CASP14: variants seen among roughly 807,000 people sequenced by gnomAD.
CASP14 encodes caspase 14.
Under a neutral mutation model 28.4 loss-of-function variants are expected in CASP14, and 27 were observed. The ratio of observed to expected loss-of-function variants is 0.95; its 90% CI spans 0.70 to 1.31. The LOEUF (loss-of-function observed/expected upper bound fraction) is 1.31. CASP14 is among the 50% of genes most tolerant of loss of function. The probability of loss-of-function intolerance (pLI) is 0.00; values close to 1 mark genes in which losing one functional copy is unlikely to be tolerated. For synonymous variants in CASP14, 115 were observed against 118.6 expected (o/e 0.97, Z 0.20); for missense variants, 323 against 312.8 (o/e 1.03, Z -0.25).
intron 1 of CASP14, among the ~76,000 whole-genome samples, chr19:15,050,218 C>T (rs1046868897): frequency 2.0e-5 from 3 of 151,982 alleles, no homozygotes; most frequent in African/African-American, 4.8e-5. Context: ...AGGCAGGATT[C>T]GGTTCTGGCT....
At chr19:15,053,693 A>G (rs376686114) in intron 3 of CASP14, 40 bp from the exon 4 acceptor site, 9 of 1,613,212 alleles carry the variant, frequency 5.6e-6, no homozygotes, top group African/African-American at 4.0e-5. Flanking sequence ...AGTGTAGGCT[A>G]TGGGGACCCA....
In CASP14 at chr19:15,052,287, G is replaced by T; in HGVS notation, c.27+9G>T. On this transcript the variant is annotated intron_variant, in intron 2 of 6. Transcript: ENST00000427043. The stretch of plus-strand genomic sequence containing the variant: ...CGCGGTCTTTGGAAGAGGTAGGCTG[G>T]GTGCAGGTTGAGGGGAGGGTGATCA... The T allele has an allele frequency of 6.3e-7, 1 of 1,583,886 alleles. No homozygotes were observed. Among genetic ancestry groups the T allele is most frequent in the South Asian group, 1.2e-5 (1 of 85,208 alleles).
At position 15,055,437 on chromosome 19, in the gene CASP14, C is replaced by T. The variant is rs765384541; in HGVS notation, c.528C>T (p.Ile176=). The T allele has an allele frequency of 1.6e-5, 26 of 1,613,916 alleles. No homozygotes were observed. In the Middle Eastern group the frequency reaches 6.6e-4, roughly 41 times the overall value. The part of the protein sequence containing the change: ...LHVYSTVEGY[I]AYRHDQKGSC... ...CCTCTCTGGAATTCCCAGGATACAT[C>T]GCCTACCGACATGATCAGAAAGGCT... Residue 176 remains isoleucine (I), a synonymous_variant, in exon 6 of 7, where the codon ATC becomes ATT. Coordinates refer to ENST00000427043, the MANE Select transcript of CASP14 (RefSeq NM_012114.3).
chr19:15,053,929 A>C lies in CASP14; in HGVS notation c.374A>C (p.Lys125Thr). 6.2e-7 allele frequency: 1 copy of C among 1,614,022 alleles called. No homozygotes were observed. ...KNCQALRAKP[K>T]VYIIQACRGE... The stretch of plus-strand genomic sequence containing the variant: ...TGCCAGGCCCTGCGAGCTAAGCCCA[A>C]GGTGTACATCATACAGGCCTGTCGA... The change falls in exon 4 of 7, where the codon AAG (lysine) becomes ACG (threonine). Residue 125 changes from lysine (K) to threonine (T), a missense_variant. Transcript: ENST00000427043.
rs766699142 is a variant in CASP14, at chr19:15,053,580, G to A, written c.126G>A (p.Met42Ile). 1 of 1,614,026 alleles carries A rather than the reference G, an allele frequency of 6.2e-7. No individual in the cohort carries two copies. Among genetic ancestry groups the A allele is most frequent in the East Asian group, 2.2e-5 (1 of 44,888 alleles). The change falls in exon 3 of 7, where the codon ATG becomes ATA. Residue 42 changes from methionine (M) to isoleucine (I), a missense_variant. Coordinates refer to ENST00000427043, the MANE Select transcript of CASP14 (RefSeq NM_012114.3). The part of the protein sequence containing the change: ...SEEDLDALEH[M>I]FRQLRFESTM... ...AAGACCTGGATGCTCTGGAACACATGTTTCGGCAGCTGAGATTCGAAAGCA... is the reference window on the plus strand; with the variant it reads ...AAGACCTGGATGCTCTGGAACACATATTTCGGCAGCTGAGATTCGAAAGCA...
chr19:15,053,726 A>T lies in CASP14; in HGVS notation c.178-7A>T. 6.2e-7 allele frequency: 1 copy of T among 1,612,630 alleles called. No individual in the cohort carries two copies. The highest frequency in any genetic ancestry group is 8.5e-7 in the Non-Finnish European group (1 of 1,179,074). ...CCAGCTGAGTCTGGTTCTTCCTCTC[A>T]CTCCAGCAATTCCAGGAAGAGCTGG... is the stretch of plus-strand genomic sequence containing the variant. On this transcript the variant is annotated splice_polypyrimidine_tract_variant and splice_region_variant and intron_variant, in intron 3 of 6. Transcript: ENST00000427043.
At position 15,055,998 on chromosome 19, in the gene CASP14, T is replaced by C. The variant is rs745589008; in HGVS notation, c.638T>C (p.Met213Thr). 1.9e-6 allele frequency: 3 copies of C among 1,607,294 alleles called. No homozygotes were observed. The highest frequency in any genetic ancestry group is 1.7e-6 in the Non-Finnish European group (2 of 1,176,766). Residue 213 changes from methionine (M) to threonine (T), a missense_variant, in exon 7 of 7, where the codon ATG (methionine) becomes ACG (threonine). By Grantham distance (81) the Met-to-Thr change is moderately conservative. Transcript: ENST00000427043. ...CTGTTGCTGCAGGTGACCCGGCGGA[T>C]GGCAGAAGCAGAGCTGGTTCAAGAA... ...LELLTEVTRR[M>T]AEAELVQEGK...
chr19:15,050,803 C>G (rs1303524047), intron 1 of CASP14, among the ~76,000 whole-genome samples: 1 of 148,940 alleles, frequency 6.7e-6, no homozygotes, highest in East Asian at 2.0e-4. Flanking sequence ...GATGGGTAGA[C>G]AGACGGATGA....
In CASP14 at chr19:15,055,497, G is replaced by C; in HGVS notation, c.588G>C (p.Thr196=). 1 of 1,614,074 alleles carries C rather than the reference G, an allele frequency of 6.2e-7. No individual in the cohort carries two copies. The highest frequency in any genetic ancestry group is 8.5e-7 in the Non-Finnish European group (1 of 1,179,968). ...CFIQTLVDVF[T]KRKGHILELL... ...TCCAGACCCTGGTGGATGTGTTCACGAAGAGGAAAGGACATATCTTGGAAC... is the reference window on the plus strand; with the variant it reads ...TCCAGACCCTGGTGGATGTGTTCACCAAGAGGAAAGGACATATCTTGGAAC... The change falls in exon 6 of 7, where the codon ACG becomes ACC. Residue 196 remains threonine (T), a synonymous_variant. Coordinates refer to ENST00000427043, the MANE Select transcript of CASP14 (RefSeq NM_012114.3).
rs1243366820 is a variant in CASP14 at position 15,049,595 on chromosome 19, G to T, written c.-97G>T. 1 of 151,974 alleles carries T rather than the reference G, an allele frequency of 6.6e-6. No individual in the cohort carries two copies. Among genetic ancestry groups the T allele is most frequent in the African/African-American group, 2.4e-5 (1 of 41,322 alleles). The allele number at this position is 151,974 out of a possible 1,614,324, so 9.4% of individuals were successfully genotyped here. On this transcript the variant is annotated 5_prime_UTR_variant, in exon 1 of 7. Coordinates refer to ENST00000427043, the MANE Select transcript of CASP14 (RefSeq NM_012114.3). Reference sequence around the variant, plus strand: ...TGCCCAGCTCAGTATTGGCAACTAGGAGAGTAGTGAGATTGAACTTGGCCT... The same window carrying T: ...TGCCCAGCTCAGTATTGGCAACTAGTAGAGTAGTGAGATTGAACTTGGCCT...
chr19:15,055,287 A>C lies in CASP14; in HGVS notation c.520+13A>C. On this transcript the variant is annotated intron_variant, in intron 5 of 6. Coordinates refer to ENST00000427043, the MANE Select transcript of CASP14 (RefSeq NM_012114.3). Reference sequence around the variant, plus strand: ...TCCACGGTAGAGGGTATGAGCTCCCAGCTGGCCCAGGGATCCCTCTGCTCT... The same window carrying C: ...TCCACGGTAGAGGGTATGAGCTCCCCGCTGGCCCAGGGATCCCTCTGCTCT... 6.2e-7 allele frequency: 1 copy of C among 1,606,660 alleles called. No homozygotes were observed. Among genetic ancestry groups the C allele is most frequent in the East Asian group, 2.2e-5 (1 of 44,814 alleles).
rs2046120317 is a variant in CASP14, at chr19:15,056,913, A to C, written c.*824A>C. ...AGAGGTTAAATAATTTGTCAAATGC[A>C]ATACAGTAAGACAGAGGCAAGGACA... On this transcript the variant is annotated 3_prime_UTR_variant, in exon 7 of 7. Coordinates refer to ENST00000427043, the MANE Select transcript of CASP14 (RefSeq NM_012114.3). 1 of 152,214 alleles carries C rather than the reference A, an allele frequency of 6.6e-6. No homozygotes were observed. Among genetic ancestry groups the C allele is most frequent in the African/African-American group, 2.4e-5 (1 of 41,460 alleles). The allele number at this position is 152,214 out of a possible 1,614,324, so 9.4% of individuals were successfully genotyped here.
chr19:15,051,716 C>T (rs1403200049), intron 1 of CASP14, among the ~76,000 whole-genome samples: 7 of 151,998 alleles, frequency 4.6e-5, no homozygotes, highest in Non-Finnish European at 1.0e-4. Context: ...TATTGGAGAC[C>T]CAGTGAGATA....
At chr19:15,054,668 T>A (rs921729526) in intron 4 of CASP14, among the ~76,000 whole-genome samples, 13 of 145,930 alleles carry the variant, frequency 8.9e-5, no homozygotes, top group Admixed American at 3.5e-4. Context: ...TTAGACGGAG[T>A]CTTGCTCTGT....
intron 4 of CASP14, among the ~76,000 whole-genome samples, chr19:15,054,345 A>G (rs572777996): frequency 1.2e-4 from 18 of 152,342 alleles, no homozygotes; most frequent in African/African-American, 2.6e-4. Flanking sequence ...TGGGAGGCCC[A>G]GGCGGGAAGA....
In CASP14 at chr19:15,056,089, G is replaced by A. The variant is rs202004752; in HGVS notation, c.729G>A (p.Ter243=). Residue 243 remains the stop codon, a stop_retained_variant, in exon 7 of 7, where the codon TAG becomes TAA. Coordinates refer to ENST00000427043, the MANE Select transcript of CASP14 (RefSeq NM_012114.3). ...TCCGGAAACGGCTGTATCTGCAGTA[G>A]AAGTAGAAAGACCAGGAGGAGCTTT... The part of the protein sequence containing the change: ...STLRKRLYLQ[*] The A allele has an allele frequency of 1.4e-4, 224 of 1,585,374 alleles. 3 individuals are homozygous for A. Among genetic ancestry groups the A allele is most frequent in the Admixed American group, 5.5e-4 (31 of 56,510 alleles).
rs1266680320 is a variant in CASP14, at chr19:15,055,253, C to T, written c.499C>T (p.His167Tyr). The stretch of plus-strand genomic sequence containing the variant: ...CATCCCAACATACACAGATGCCTTG[C>T]ACGTTTATTCCACGGTAGAGGGTAT... Reference protein sequence around the residue: ...QTIPTYTDALHVYSTVEGYIA... With the variant: ...QTIPTYTDALYVYSTVEGYIA... Residue 167 changes from histidine (H) to tyrosine (Y), a missense_variant, in exon 5 of 7, where the codon CAC becomes TAC. Physicochemically the swap from His to Tyr is moderately conservative, Grantham distance 83. Coordinates refer to ENST00000427043, the MANE Select transcript of CASP14 (RefSeq NM_012114.3). The T allele has an allele frequency of 6.2e-7, 1 of 1,613,776 alleles. No individual in the cohort carries two copies. Among genetic ancestry groups the T allele is most frequent in the Non-Finnish European group, 8.5e-7 (1 of 1,179,846 alleles).
rs3040744 is a variant in CASP14 at position 15,051,502 on chromosome 19, CAA to C, written c.-46-686_-46-685del. Among the ~76,000 whole-genome samples the C allele has an allele frequency of 2.7e-3, 226 of 84,652 alleles. 1 individual carries two copies. The highest frequency in any genetic ancestry group is 7.2e-3 in the African/African-American group (156 of 21,634). The allele number at this position is 84,652 out of a possible 152,430, so 55.5% of individuals were successfully genotyped here. ...TGGGTGACAGAGTGAGATTCTGTCT[CAA>C]AAAAAAAAAAAAAAAAAGCAAAAAG... On this transcript the variant is annotated intron_variant, in intron 1 of 6. Coordinates refer to ENST00000427043, the MANE Select transcript of CASP14 (RefSeq NM_012114.3).
Position 15,053,579 on chromosome 19 carries a change from T to C in CASP14, c.125T>C (p.Met42Thr), listed in dbSNP as rs1264351578. The C allele has an allele frequency of 3.1e-6, 5 of 1,613,894 alleles. No individual in the cohort carries two copies. Among genetic ancestry groups the C allele is most frequent in the African/African-American group, 2.7e-5 (2 of 74,890 alleles). ...GAAGACCTGGATGCTCTGGAACACA[T>C]GTTTCGGCAGCTGAGATTCGAAAGC... ...SEEDLDALEHMFRQLRFESTM... is the reference protein window; with the variant it reads ...SEEDLDALEHTFRQLRFESTM... The change falls in exon 3 of 7, where the codon ATG becomes ACG. Residue 42 changes from methionine to threonine, a missense_variant. Physicochemically the swap from Met to Thr is moderately conservative, Grantham distance 81. Coordinates refer to ENST00000427043, the MANE Select transcript of CASP14 (RefSeq NM_012114.3).
Sources: allele counts gnomAD v4.1 joint callset (sites outside exome capture counted in the v4.1 genomes callset), GRCh38; gene constraint gnomAD v4.1.1; transcripts MANE v1.5; gene names NCBI Gene and HGNC (gene_info 2026-07-23, HGNC 2026-07-21).